Variants in ATG4B observed in about 807,000 individuals in gnomAD.
ATG4B encodes cysteine protease ATG4B.
ATG4B carries 29 observed loss-of-function variants against 56.6 expected under a neutral mutation model. The ratio of observed to expected loss-of-function variants is 0.51; its 90% CI spans 0.38 to 0.70. The LOEUF (loss-of-function observed/expected upper bound fraction) is 0.70. Ranked by LOEUF, ATG4B falls within the 30% of genes least tolerant of loss-of-function variation. The probability of loss-of-function intolerance (pLI) is 0.00; values close to 1 mark genes in which losing one functional copy is unlikely to be tolerated. For synonymous variants in ATG4B, 224 were observed against 206.1 expected, an observed-to-expected ratio of 1.09 and a Z score of -0.74; for missense variants, 461 against 515.5, an observed-to-expected ratio of 0.89 and a Z score of 1.02.
chr2:241,655,825 A>G (rs1337538393), intron 6 of ATG4B, among the ~76,000 whole-genome samples: 2 of 152,028 alleles, frequency 1.3e-5, no homozygotes, highest in Non-Finnish European at 2.9e-5. Flanking sequence ...TTCCTTTCGC[A>G]CCTCACTCAG....
At chr2:241,647,062 G>T (rs971850721) in intron 1 of ATG4B, among the ~76,000 whole-genome samples, 7 of 152,074 alleles carry the variant, frequency 4.6e-5, no homozygotes, top group African/African-American at 1.7e-4. Flanking sequence ...GGGATTACAG[G>T]CATGAGCCCC....
At chr2:241,643,882 G>A (rs1229349111) in intron 1 of ATG4B, among the ~76,000 whole-genome samples, 2 of 151,998 alleles carry the variant, frequency 1.3e-5, no homozygotes. Context: ...TTTTTCCGAA[G>A]TTTGACTCCT....
intron 1 of ATG4B, among the ~76,000 whole-genome samples, chr2:241,650,315 ATC>A (rs1575065797): frequency 6.6e-6 from 1 of 152,092 alleles, no homozygotes; most frequent in East Asian, 1.9e-4. Flanking sequence ...AGAGAGTTTG[ATC>A]TCTCAGTGTC....
intron 3 of ATG4B, chr2:241,652,075 C>A: frequency 2.6e-6 from 2 of 759,090 alleles, no homozygotes; most frequent in South Asian, 1.5e-5. Context: ...AGGTGGAAGT[C>A]AAATAGCCAC....
Position 241,673,703 on chromosome 2 carries a change from T to C in ATG4B, c.*1439T>C, listed in dbSNP as rs888505334. 2 of 455,904 alleles carry C rather than the reference T, an allele frequency of 4.4e-6. No homozygotes were observed. The highest frequency in any genetic ancestry group is 6.9e-5 in the East Asian group (1 of 14,400). The allele number at this position is 455,904 out of a possible 1,614,324, so 28.2% of individuals were successfully genotyped here. On this transcript the variant is annotated 3_prime_UTR_variant, in exon 13 of 13. Transcript: ENST00000404914. ...CCGAGTTCATGGTGCGCCGCTGTGCTGGGAGCTGCAGTGGTAATGTGTGGG... is the reference window on the plus strand; with the variant it reads ...CCGAGTTCATGGTGCGCCGCTGTGCCGGGAGCTGCAGTGGTAATGTGTGGG...
chr2:241,670,231 C>T (rs904477305), intron 10 of ATG4B, among the ~76,000 whole-genome samples: 1 of 151,978 alleles, frequency 6.6e-6, no homozygotes, highest in Non-Finnish European at 1.5e-5. Flanking sequence ...ATGTGATTGC[C>T]GGTGACCCTT....
intron 6 of ATG4B, among the ~76,000 whole-genome samples, chr2:241,658,334 G>A (rs2068477830): frequency 6.6e-6 from 1 of 152,122 alleles, no homozygotes; most frequent in Admixed American, 6.5e-5. Context: ...TGGGGGGCAG[G>A]CTGTCCTCCC....
chr2:241,663,245 C>T (rs1460031183), intron 7 of ATG4B, among the ~76,000 whole-genome samples: 2 of 151,978 alleles, frequency 1.3e-5, no homozygotes, highest in East Asian at 3.9e-4. Flanking sequence ...AAAACCAAAA[C>T]AACAAAAAAT....
chr2:241,665,205 G>T (rs2125141576), intron 7 of ATG4B, among the ~76,000 whole-genome samples: 1 of 152,350 alleles, frequency 6.6e-6, no homozygotes, highest in South Asian at 2.1e-4. Context: ...AAAAAGTTCA[G>T]TGAGTCATGG....
chr2:241,669,053 C>G, intron 10 of ATG4B, among the ~76,000 whole-genome samples: 1 of 119,264 alleles, frequency 8.4e-6, no homozygotes, highest in Non-Finnish European at 1.9e-5. Flanking sequence ...CCTGCACCAC[C>G]TTCGTCACAC....
intron 1 of ATG4B, among the ~76,000 whole-genome samples, chr2:241,642,089 G>C (rs1279132395): frequency 6.6e-6 from 1 of 151,086 alleles, no homozygotes; most frequent in African/African-American, 2.4e-5. Flanking sequence ...TACTATCAAA[G>C]CTTTCAGTTT....
At chr2:241,670,140 G>T (rs985992645) in intron 10 of ATG4B, among the ~76,000 whole-genome samples, 2 of 152,190 alleles carry the variant, frequency 1.3e-5, no homozygotes, top group African/African-American at 2.4e-5. Context: ...CCCCCATTTC[G>T]TTTCTTTTTG....
chr2:241,670,011 T>G (rs1204654656), intron 10 of ATG4B, among the ~76,000 whole-genome samples: 2 of 152,120 alleles, frequency 1.3e-5, no homozygotes, highest in Non-Finnish European at 2.9e-5. Flanking sequence ...GTGGGATAAC[T>G]GTCCTCACCC....
chr2:241,659,391 C>G, intron 7 of ATG4B: 1 of 658,934 alleles, frequency 1.5e-6, no homozygotes. Flanking sequence ...AGAGGAGAGC[C>G]CAGGCTGTCT....
chr2:241,670,626 G>A, intron 10 of ATG4B, 100 bp from the exon 11 acceptor site: 3 of 1,100,332 alleles, frequency 2.7e-6, no homozygotes, highest in Non-Finnish European at 4.1e-6. Flanking sequence ...TGCATGCTGG[G>A]GGCCTCTGCT....
chr2:241,668,488 CT>C lies in ATG4B; in HGVS notation c.812-49del. 6.3e-7 allele frequency: 1 copy of C among 1,580,896 alleles called. No individual in the cohort carries two copies. Among genetic ancestry groups the C allele is most frequent in the Non-Finnish European group, 8.6e-7 (1 of 1,169,034 alleles). ...GTCTGAAATGCGGCCTCCTCTGTCCCTTTCCTCTGCCGGCTCGGCCACCCAC... is the reference window on the plus strand; with the variant it reads ...GTCTGAAATGCGGCCTCCTCTGTCCCTTCCTCTGCCGGCTCGGCCACCCAC... On this transcript the variant is annotated intron_variant, in intron 9 of 12. Transcript: ENST00000404914. The surrounding 1 kb of genome is among the most constrained non-coding windows in gnomAD (Gnocchi z 4.2).
In ATG4B at chr2:241,663,002, A is replaced by G. The variant is rs1445848433; in HGVS notation, c.539-3643A>G. Among the ~76,000 whole-genome samples the G allele has an allele frequency of 2.0e-5, 3 of 152,284 alleles. 1 individual carries two copies. In the South Asian group the frequency reaches 6.2e-4, roughly 32 times the overall value. On this transcript the variant is annotated intron_variant, in intron 7 of 12. Coordinates refer to ENST00000404914, the MANE Select transcript of ATG4B (RefSeq NM_013325.5). The stretch of plus-strand genomic sequence containing the variant: ...TATAATCCCAGCACTTCGGGAGGCC[A>G]AGGTGGGTAGATCACATGAGGTCAG...
intron 1 of ATG4B, among the ~76,000 whole-genome samples, chr2:241,644,913 C>T (rs1047223246): frequency 1.3e-5 from 2 of 150,896 alleles, no homozygotes; most frequent in Non-Finnish European, 2.9e-5. Context: ...CGTGCCATTG[C>T]ACTCCAGCCT....
intron 6 of ATG4B, among the ~76,000 whole-genome samples, chr2:241,655,718 T>A (rs1210004293): frequency 6.6e-6 from 1 of 152,168 alleles, no homozygotes; most frequent in Non-Finnish European, 1.5e-5. Context: ...CCTTGCCACC[T>A]GCCTTTCTCA....
Sources: gnomAD v4.1 joint callset for allele counts (sites outside exome capture counted in the v4.1 genomes callset) on GRCh38, gnomAD v4.1.1 for gene constraint, Gnocchi (gnomAD v3.1) non-coding constraint, MANE v1.5 for transcripts, NCBI Gene and HGNC (gene_info 2026-07-23, HGNC 2026-07-21) for gene names.